Variants in CDH6 observed in about 807,000 individuals in gnomAD.
CDH6 encodes the protein cadherin 6, also known as cadherin-6.
Under a neutral mutation model 78.0 loss-of-function variants are expected in CDH6, and 31 were observed. The ratio of observed to expected loss-of-function variants is 0.40; its 90% CI spans 0.30 to 0.54. The LOEUF is 0.54. CDH6 is among the 20% of genes least tolerant of loss of function. CDH6 has a pLI of 0.56. For synonymous variants in CDH6, 376 were observed against 368.8 expected (o/e 1.02, Z -0.23); for missense variants, 724 against 975.9 (o/e 0.74, Z 3.44).
chr5:31,243,401 G>T (rs539361755), intron 1 of CDH6, among the ~76,000 whole-genome samples: 3 of 152,300 alleles, frequency 2.0e-5, no homozygotes, highest in East Asian at 1.9e-4. Flanking sequence ...GGAAGCACAG[G>T]GGGTGGTTGG....
chr5:31,308,230 C>T (rs1738045858), intron 7 of CDH6, among the ~76,000 whole-genome samples: 1 of 152,052 alleles, frequency 6.6e-6, no homozygotes, highest in Non-Finnish European at 1.5e-5. Context: ...ATTCTTTAAT[C>T]ACATAAAATT....
At chr5:31,293,622 A>AG (rs1480521288) in intron 2 of CDH6, among the ~76,000 whole-genome samples, 3 of 152,182 alleles carry the variant, frequency 2.0e-5, no homozygotes, top group Admixed American at 6.5e-5. Context: ...AGTGAAAAAT[A>AG]GGAAAATCGT....
At chr5:31,272,750 A>G (rs1196537416) in intron 2 of CDH6, among the ~76,000 whole-genome samples, 6 of 152,236 alleles carry the variant, frequency 3.9e-5, no homozygotes, top group Admixed American at 6.5e-5. Context: ...ACATAAGACC[A>G]GCCTCCACTA....
At chr5:31,284,166 G>A (rs10520984) in intron 2 of CDH6, among the ~76,000 whole-genome samples, 44,061 of 151,998 alleles carry the variant, frequency 0.29, 7,077 homozygotes, top group Admixed American at 0.37. Context: ...AAATAAGCTG[G>A]CCAACCAAAA....
intron 2 of CDH6, among the ~76,000 whole-genome samples, chr5:31,291,002 C>T (rs1010055522): frequency 6.6e-6 from 1 of 152,158 alleles, no homozygotes; most frequent in Non-Finnish European, 1.5e-5. Flanking sequence ...GAAATGGTCT[C>T]ACCTGACAGC....
chr5:31,246,904 T>C (rs1741764094), intron 1 of CDH6, among the ~76,000 whole-genome samples: 1 of 152,054 alleles, frequency 6.6e-6, no homozygotes, highest in Admixed American at 6.5e-5. Context: ...CAGGTGCCAC[T>C]ATGCTTGGCT....
intron 9 of CDH6, among the ~76,000 whole-genome samples, chr5:31,316,673 A>G (rs780453734): frequency 6.6e-6 from 1 of 152,222 alleles, no homozygotes; most frequent in Non-Finnish European, 1.5e-5. Context: ...ATTGCCTATA[A>G]TTCATGATTT....
At chr5:31,278,673 A>G (rs376427514) in intron 2 of CDH6, among the ~76,000 whole-genome samples, 110 of 152,344 alleles carry the variant, frequency 7.2e-4, no homozygotes, top group African/African-American at 2.6e-3. Context: ...CAAAAATATC[A>G]GCTATAGAGA....
Position 31,323,111 on chromosome 5 carries a change from G to A in CDH6, c.2176G>A (p.Asp726Asn). 1 of 1,614,142 alleles carries A rather than the reference G, an allele frequency of 6.2e-7. No homozygotes were observed. The highest frequency in any genetic ancestry group is 8.5e-7 in the Non-Finnish European group (1 of 1,180,022). Residue 726 changes from aspartate to asparagine, a missense_variant, in exon 12 of 12, where the codon GAC becomes AAC. By Grantham distance (23) the Asp-to-Asn change is conservative (BLOSUM62 1). This residue lies in a region of CDH6 where 220 missense variants were observed against 240.6 expected (regional missense o/e 0.91). Coordinates refer to ENST00000265071, the MANE Select transcript of CDH6 (RefSeq NM_004932.4). ...CCAAAGGTTAAAGGAAAATGACACG[G>A]ACCCCACTGCCCCGCCATACGACTC... is the stretch of plus-strand genomic sequence containing the variant. ...INQRLKENDT[D>N]PTAPPYDSLA...
intron 1 of CDH6, among the ~76,000 whole-genome samples, chr5:31,221,247 A>C (rs941314500): frequency 3.1e-4 from 47 of 152,206 alleles, no homozygotes; most frequent in African/African-American, 8.2e-4. Context: ...TTTAGAAAGT[A>C]AACACTACTG....
chr5:31,215,981 C>A (rs564080027), intron 1 of CDH6, among the ~76,000 whole-genome samples: 12 of 152,144 alleles, frequency 7.9e-5, no homozygotes, highest in African/African-American at 2.7e-4. Flanking sequence ...AGGAAGAAGG[C>A]CCTTTGGTTT....
chr5:31,310,595 A>G (rs1270186320), intron 7 of CDH6, among the ~76,000 whole-genome samples: 1 of 152,188 alleles, frequency 6.6e-6, no homozygotes, highest in African/African-American at 2.4e-5. Context: ...GTACTCCATG[A>G]TGTCTCCACC....
At position 31,271,959 on chromosome 5, in the gene CDH6, A is replaced by C. The variant is rs575476278; in HGVS notation, c.228+4258A>C. On this transcript the variant is annotated intron_variant, in intron 2 of 11. Coordinates refer to ENST00000265071, the MANE Select transcript of CDH6 (RefSeq NM_004932.4). ...TATTTATGATTCTAACATGTTGCCA[A>C]ATTTGGGAACCACTGTCCTAGGAGG... Among the ~76,000 whole-genome samples the C allele has an allele frequency of 2.3e-4, 35 of 152,330 alleles. No homozygotes were observed. The East Asian group carries it at 4.2e-3, about 18-fold the overall frequency.
chr5:31,199,495 CACAT>C (rs1464109187), intron 1 of CDH6, among the ~76,000 whole-genome samples: 4 of 115,500 alleles, frequency 3.5e-5, no homozygotes, highest in African/African-American at 1.2e-4. Flanking sequence ...TATGTACACA[CACAT>C]ATGTGTATAT....
At chr5:31,301,469 T>C (rs1289342099) in intron 5 of CDH6, among the ~76,000 whole-genome samples, 3 of 152,176 alleles carry the variant, frequency 2.0e-5, no homozygotes, top group African/African-American at 7.2e-5. Context: ...ATAGGAAACA[T>C]AGGTTTCAAA....
intron 1 of CDH6, chr5:31,250,387 G>A (rs1413456614): frequency 6.6e-6 from 1 of 152,304 alleles, no homozygotes; most frequent in African/African-American, 2.4e-5. Flanking sequence ...GGCTCGGAGT[G>A]AGCCAGGCAC....
intron 1 of CDH6, among the ~76,000 whole-genome samples, chr5:31,210,469 A>C (rs1347912528): frequency 6.6e-6 from 1 of 152,164 alleles, no homozygotes; most frequent in Non-Finnish European, 1.5e-5. Context: ...ACGCCACTGC[A>C]CTCCAGACTG....
rs181398352 is a variant in CDH6 at position 31,312,864 on chromosome 5, A to G, written c.1254-454A>G. Among the ~76,000 whole-genome samples the G allele has an allele frequency of 1.5e-4, 23 of 152,166 alleles. No homozygotes were observed. The East Asian group carries it at 3.7e-3, about 24-fold the overall frequency. ...CTCACTAACCTTGGCCACACTAGCC[A>G]TCTTTTGCTTATTTCAACAGATGAT... On this transcript the variant is annotated intron_variant, in intron 7 of 11. Transcript: ENST00000265071.
intron 1 of CDH6, among the ~76,000 whole-genome samples, chr5:31,259,408 A>C (rs1742151028): frequency 6.6e-6 from 1 of 152,206 alleles, no homozygotes; most frequent in Admixed American, 6.5e-5. Context: ...GCTGCCAGCC[A>C]ATACTCTCTG....
Sources: allele counts gnomAD v4.1 joint callset (sites outside exome capture counted in the v4.1 genomes callset), GRCh38; gene constraint gnomAD v4.1.1; regional missense constraint gnomAD v4.1.1; transcripts MANE v1.5; gene names NCBI Gene and HGNC (gene_info 2026-07-23, HGNC 2026-07-21).